The following GABRR1 variants were observed in gnomAD, a reference collection of about 807,000 sequenced individuals.
GABRR1 encodes the protein gamma-aminobutyric acid type A receptor subunit rho1.
Under a neutral mutation model 55.5 loss-of-function variants are expected in GABRR1, and 59 were observed. The ratio of observed to expected loss-of-function variants is 1.06; its 90% CI spans 0.86 to 1.32. The LOEUF (loss-of-function observed/expected upper bound fraction) is 1.32, where lower values mean the gene tolerates loss of function less well. GABRR1 is among the 40% of genes most tolerant of loss of function. The pLI is 0.00. For missense variants in GABRR1, 602 were observed against 619.1 expected (o/e 0.97, Z 0.29); for synonymous variants, 213 against 226.0 (o/e 0.94, Z 0.51).
At position 89,198,347 on chromosome 6, in the gene GABRR1, C is replaced by T. The variant is rs533391375; in HGVS notation, c.349-104G>A. 1.0e-5 allele frequency: 9 copies of T among 880,848 alleles called. No individual in the cohort carries two copies. The Admixed American group carries it at 1.1e-4, about 11-fold the overall frequency. The allele number at this position is 880,848 out of a possible 1,614,324, so 54.6% of individuals were successfully genotyped here. ...CCATCACTTGGCTGGGGAATGAAAC[C>T]GAACCAAGAGAGGTTTTGCTTCTAG... On this transcript the variant is annotated intron_variant, in intron 4 of 9. Coordinates refer to ENST00000454853, the MANE Select transcript of GABRR1 (RefSeq NM_002042.5).
At chr6:89,221,043 C>T (rs1441880768), upstream of GABRR1, among the ~76,000 whole-genome samples, 1 of 151,996 alleles carries the variant, frequency 6.6e-6, no homozygotes, top group Non-Finnish European at 1.5e-5. Context: ...TTTGACAAAA[C>T]TCTTCTTTTC....
chr6:89,194,927 G>T (rs1255852419), intron 5 of GABRR1, among the ~76,000 whole-genome samples: 1 of 152,172 alleles, frequency 6.6e-6, no homozygotes, highest in East Asian at 1.9e-4. Flanking sequence ...AATTATTGGT[G>T]TTCAAGACAG....
intron 8 of GABRR1, 113 bp from the exon 9 acceptor site, chr6:89,180,601 T>A: frequency 7.7e-7 from 1 of 1,290,582 alleles, no homozygotes; most frequent in Non-Finnish European, 1.1e-6. Flanking sequence ...AATGTCTCCA[T>A]CCCTGCTCCA....
At chr6:89,202,553 A>G (rs1772511659) in intron 2 of GABRR1, among the ~76,000 whole-genome samples, 1 of 151,974 alleles carries the variant, frequency 6.6e-6, no homozygotes, top group Non-Finnish European at 1.5e-5. Flanking sequence ...TCAGCCTCCC[A>G]AAGTGCTGGA....
At chr6:89,203,932 G>A (rs1582397175) in intron 1 of GABRR1, among the ~76,000 whole-genome samples, 5 of 152,340 alleles carry the variant, frequency 3.3e-5, no homozygotes, top group Admixed American at 2.0e-4. Flanking sequence ...AGATGAGAGA[G>A]GAGGAGGAGG....
rs762686513 is a variant in GABRR1 at position 89,217,220 on chromosome 6, C to T, written c.103G>A (p.Glu35Lys). The part of the protein sequence containing the change: ...RMHWPGREVH[E>K]MSKKGRPQRQ... ...ACTCACCTGCCTTTCTTAGACATCT[C>T]GTGGACTTCTCTTCCGGGCCAGTGC... The change falls in exon 1 of 10, where the codon GAG (glutamate) becomes AAG (lysine). Residue 35 changes from glutamate (E) to lysine (K), a missense_variant. This residue lies in a region of GABRR1 where 435 missense variants were observed against 424.2 expected (regional missense o/e 1.03). Transcript: ENST00000454853. The T allele has an allele frequency of 3.1e-6, 5 of 1,614,010 alleles. No individual in the cohort carries two copies. In the South Asian group the frequency reaches 4.4e-5, roughly 14 times the overall value.
Position 89,199,437 on chromosome 6 carries a change from CAG to C in GABRR1, c.281-10_281-9del. 1.2e-6 allele frequency: 2 copies of C among 1,613,588 alleles called. No homozygotes were observed. Among genetic ancestry groups the C allele is most frequent in the African/African-American group, 2.7e-5 (2 of 75,030 alleles). On this transcript the variant is annotated splice_polypyrimidine_tract_variant and intron_variant, in intron 3 of 9. Transcript: ENST00000454853. ...CAACAGGAATGGCAGGGCCTGGGGA[CAG>C]AGCATGGCAAGAGCATTCACTGTTT...
intron 1 of GABRR1, among the ~76,000 whole-genome samples, chr6:89,214,822 C>G (rs999201499): frequency 4.6e-5 from 7 of 151,848 alleles, no homozygotes; most frequent in Non-Finnish European, 8.8e-5. Flanking sequence ...GCCAGGAGCT[C>G]GAGACCAGCC....
Position 89,178,674 on chromosome 6 carries a change from A to AT in GABRR1, c.*95dup, listed in dbSNP as rs918019809. 5.2e-4 allele frequency: 579 copies of AT among 1,112,624 alleles called. No individual in the cohort carries two copies. The highest frequency in any genetic ancestry group is 6.2e-4 in the Non-Finnish European group (487 of 783,112). 68.9% of individuals were successfully genotyped at this position (1,112,624 alleles called of 1,614,324 possible). Reference sequence around the variant, plus strand: ...AGTGAAAACATGGGTGGGTCCTGGGATTTTTTTTTAACCATATCCTTAAAT... The same window carrying AT: ...AGTGAAAACATGGGTGGGTCCTGGGATTTTTTTTTTAACCATATCCTTAAAT... On this transcript the variant is annotated 3_prime_UTR_variant, in exon 10 of 10. Transcript: ENST00000454853.
At chr6:89,192,067 G>C (rs997345398) in intron 5 of GABRR1, among the ~76,000 whole-genome samples, 3 of 151,708 alleles carry the variant, frequency 2.0e-5, no homozygotes, top group African/African-American at 7.3e-5. Context: ...AAATAAAGTT[G>C]GCATTTGAGT....
intron 1 of GABRR1, among the ~76,000 whole-genome samples, chr6:89,223,570 C>G (rs113722603): frequency 6.6e-6 from 1 of 152,132 alleles, no homozygotes; most frequent in Admixed American, 6.5e-5. Flanking sequence ...TACTCAGTAG[C>G]GGGATTGCTG....
chr6:89,194,822 A>C (rs1381371427), intron 5 of GABRR1, among the ~76,000 whole-genome samples: 1 of 152,062 alleles, frequency 6.6e-6, no homozygotes, highest in Admixed American at 6.5e-5. Context: ...GGCTATTTGA[A>C]AATATAGTCA....
intron 1 of GABRR1, chr6:89,211,992 C>T (rs1772846577): frequency 4.3e-6 from 1 of 233,684 alleles, no homozygotes. Context: ...TCTCTAGGCC[C>T]AGTTTCCTTC....
At chr6:89,189,047 T>C (rs1772003462) in intron 6 of GABRR1, among the ~76,000 whole-genome samples, 1 of 151,542 alleles carries the variant, frequency 6.6e-6, no homozygotes, top group Non-Finnish European at 1.5e-5. Context: ...CATGTCTGTG[T>C]GTGTGTGTGT....
intron 7 of GABRR1, among the ~76,000 whole-genome samples, chr6:89,183,416 A>G (rs960208283): frequency 6.6e-6 from 1 of 152,208 alleles, no homozygotes; most frequent in African/African-American, 2.4e-5. Context: ...TTGTAGTGCT[A>G]TGTTGGTGCT....
At chr6:89,204,668 T>C in intron 1 of GABRR1, 2 of 1,288,284 alleles carry the variant, frequency 1.6e-6, no homozygotes, top group Middle Eastern at 2.1e-4. Flanking sequence ...GAGATGCCAC[T>C]GCCTTTGCCT....
intron 6 of GABRR1, among the ~76,000 whole-genome samples, chr6:89,186,888 C>T (rs972990030): frequency 6.6e-6 from 1 of 152,208 alleles, no homozygotes. Flanking sequence ...TCCCTTTGGC[C>T]CCAGCGGTGT....
intron 5 of GABRR1, among the ~76,000 whole-genome samples, chr6:89,192,954 T>C (rs954160727): frequency 6.6e-6 from 1 of 152,204 alleles, no homozygotes; most frequent in African/African-American, 2.4e-5. Context: ...CCAAGCATAA[T>C]AGAGTATCTC....
intron 1 of GABRR1, among the ~76,000 whole-genome samples, chr6:89,228,718 G>T (rs1314620676): frequency 2.1e-5 from 3 of 143,708 alleles, no homozygotes; most frequent in African/African-American, 2.6e-5. Flanking sequence ...GTGTGGTGTG[G>T]TGCTGAAAAA....
Sources: allele counts gnomAD v4.1 joint callset (sites outside exome capture counted in the v4.1 genomes callset), GRCh38; gene constraint gnomAD v4.1.1; regional missense constraint gnomAD v4.1.1; transcripts MANE v1.5; gene names NCBI Gene and HGNC (gene_info 2026-07-23, HGNC 2026-07-21).